The following DACH1 variants were observed in gnomAD, a reference collection of about 807,000 sequenced individuals.
DACH1 encodes dachshund family transcription factor 1.
Under a neutral mutation model 54.2 loss-of-function variants are expected in DACH1, and 12 were observed. That is an observed-to-expected ratio of 0.22 (90% CI 0.14 to 0.36). The LOEUF is 0.36. DACH1 is among the 10% of genes least tolerant of loss of function. The pLI, the probability that DACH1 is intolerant of heterozygous loss-of-function variation, is 1.00. For missense variants in DACH1, 805 were observed against 929.8 expected (o/e 0.87, Z 1.75); for synonymous variants, 386 against 366.2 (o/e 1.05, Z -0.62).
chr13:71,848,751 C>T (rs977539256), intron 1 of DACH1, among the ~76,000 whole-genome samples: 2 of 152,030 alleles, frequency 1.3e-5, no homozygotes, highest in African/African-American at 4.8e-5. Context: ...TCTGGAACCC[C>T]CATGCTCAAG....
At chr13:71,649,554 G>A (rs886951769) in intron 2 of DACH1, among the ~76,000 whole-genome samples, 1 of 152,116 alleles carries the variant, frequency 6.6e-6, no homozygotes, top group African/African-American at 2.4e-5. Flanking sequence ...ATCCATATAT[G>A]TAGGCTATTG....
intron 1 of DACH1, among the ~76,000 whole-genome samples, chr13:71,801,796 C>G (rs545593758): frequency 6.6e-6 from 1 of 151,682 alleles, no homozygotes; most frequent in South Asian, 2.1e-4. Context: ...GTAATGAACA[C>G]CTTCCAGTCA....
At chr13:71,510,600 A>G (rs1880704146) in intron 6 of DACH1, among the ~76,000 whole-genome samples, 1 of 152,058 alleles carries the variant, frequency 6.6e-6, no homozygotes, top group Admixed American at 6.6e-5. Context: ...AACATTGAAC[A>G]TATTTTAGGT....
At chr13:71,508,321 G>C (rs1346227352) in intron 6 of DACH1, among the ~76,000 whole-genome samples, 3 of 151,906 alleles carry the variant, frequency 2.0e-5, no homozygotes. Flanking sequence ...ATCTGACTTG[G>C]GCTTCTGTTC....
At chr13:71,716,919 A>C (rs1416745915) in intron 1 of DACH1, among the ~76,000 whole-genome samples, 2 of 152,184 alleles carry the variant, frequency 1.3e-5, no homozygotes, top group African/African-American at 2.4e-5. Context: ...TGCAACCATC[A>C]ACCTGTCATC....
At chr13:71,524,642 T>TA (rs879445202) in intron 6 of DACH1, among the ~76,000 whole-genome samples, 10 of 151,950 alleles carry the variant, frequency 6.6e-5, no homozygotes, top group Non-Finnish European at 1.2e-4. Context: ...ATGACAGAAA[T>TA]AAAAAAAATG....
chr13:71,663,211 G>T (rs1200775541), intron 2 of DACH1, among the ~76,000 whole-genome samples: 5 of 150,244 alleles, frequency 3.3e-5, no homozygotes, highest in Admixed American at 3.3e-4. Context: ...TGTATCAAAA[G>T]TAGATGGAGG....
At chr13:71,558,301 C>T (rs1884381286) in intron 5 of DACH1, among the ~76,000 whole-genome samples, 1 of 151,716 alleles carries the variant, frequency 6.6e-6, no homozygotes, top group Non-Finnish European at 1.5e-5. Flanking sequence ...TTCTGTTAGT[C>T]TAAAATTACT....
chr13:71,825,000 C>A (rs896684282), intron 1 of DACH1, among the ~76,000 whole-genome samples: 1 of 151,686 alleles, frequency 6.6e-6, no homozygotes, highest in Admixed American at 6.6e-5. Context: ...TAAGGAGGCC[C>A]CCACAGGAGA....
intron 3 of DACH1, among the ~76,000 whole-genome samples, chr13:71,614,724 C>T (rs1875621027): frequency 6.6e-6 from 1 of 151,766 alleles, no homozygotes; most frequent in East Asian, 1.9e-4. Flanking sequence ...TGTGATGGTG[C>T]ATGCCTGTAG....
At chr13:71,678,699 C>G (rs1880716440) in intron 2 of DACH1, among the ~76,000 whole-genome samples, 1 of 151,738 alleles carries the variant, frequency 6.6e-6, no homozygotes, top group South Asian at 2.1e-4. Context: ...TTCTGTTGCC[C>G]AGGCTTGAAT....
At chr13:71,589,114 C>T (rs1377896860) in intron 3 of DACH1, among the ~76,000 whole-genome samples, 2 of 151,984 alleles carry the variant, frequency 1.3e-5, no homozygotes, top group African/African-American at 4.8e-5. Context: ...TTAATAGTAA[C>T]TCAAAAATTT....
intron 10 of DACH1, among the ~76,000 whole-genome samples, chr13:71,449,895 G>C (rs967093873): frequency 2.8e-5 from 4 of 141,830 alleles, no homozygotes; most frequent in South Asian, 2.3e-4. Flanking sequence ...ACAGGAAGGG[G>C]AACATCACAC....
intron 1 of DACH1, among the ~76,000 whole-genome samples, chr13:71,862,714 G>A (rs2138295824): frequency 6.6e-6 from 1 of 152,062 alleles, no homozygotes; most frequent in Non-Finnish European, 1.5e-5. Flanking sequence ...CCACTCGAAG[G>A]TTTGCTACTA....
At chr13:71,588,771 C>CATTTTG (rs11282136) in intron 3 of DACH1, among the ~76,000 whole-genome samples, 150,076 of 151,978 alleles carry the variant, frequency 0.99, 74,123 homozygotes, top group Middle Eastern at 1. Context: ...TTGTCAATCA[C>CATTTTG]ACAATAATTT....
At chr13:71,748,896 T>TCTCTCTCTCTCTCTC (rs1566476848) in intron 1 of DACH1, among the ~76,000 whole-genome samples, 1 of 64,946 alleles carries the variant, frequency 1.5e-5, no homozygotes, top group Non-Finnish European at 2.9e-5. Context: ...CTTTCTTTCT[T>TCTCTCTCTCTCTCTC]TCTCTTTCTT....
chr13:71,729,398 G>C (rs1041191212), intron 1 of DACH1, among the ~76,000 whole-genome samples: 1 of 151,960 alleles, frequency 6.6e-6, no homozygotes. Flanking sequence ...ATACATAAAA[G>C]GACACCACTC....
chr13:71,522,848 T>C (rs1400420264), intron 6 of DACH1, among the ~76,000 whole-genome samples: 1 of 152,248 alleles, frequency 6.6e-6, no homozygotes, highest in East Asian at 1.9e-4. Context: ...TGTTTTCTAA[T>C]GTGAAATTCT....
At chr13:71,707,217 T>C (rs1594119978) in intron 1 of DACH1, among the ~76,000 whole-genome samples, 1 of 152,224 alleles carries the variant, frequency 6.6e-6, no homozygotes, top group East Asian at 1.9e-4. Flanking sequence ...AATAAAGATG[T>C]GAACTACATG....
Sources: allele counts gnomAD v4.1 joint callset (sites outside exome capture counted in the v4.1 genomes callset), GRCh38; gene constraint gnomAD v4.1.1; transcripts MANE v1.5; gene names NCBI Gene and HGNC (gene_info 2026-07-23, HGNC 2026-07-21).